TAB2: variants seen among roughly 807,000 people sequenced by gnomAD.
TAB2 encodes the protein TGF-beta activated kinase 1 (MAP3K7) binding protein 2.
A neutral mutation model predicts 65.0 loss-of-function variants in TAB2; 3 were observed. The ratio of observed to expected loss-of-function variants is 0.05; its 90% CI spans 0.02 to 0.12. TAB2 has a LOEUF of 0.12. TAB2 is among the 10% of genes least tolerant of loss of function. The pLI is 1.00. For missense variants in TAB2, 623 were observed against 840.3 expected (o/e 0.74, Z 3.20); for synonymous variants, 298 against 285.1 (o/e 1.05, Z -0.46).
chr6:149,257,671 A>G (rs191424441), intron 1 of TAB2: 11 of 152,294 alleles, frequency 7.2e-5, no homozygotes, highest in African/African-American at 2.4e-4. Context: ...GTGCTTGTCA[A>G]TAATGCAGAT....
At chr6:149,311,881 G>A (rs565154657) in intron 1 of TAB2, among the ~76,000 whole-genome samples, 2 of 152,234 alleles carry the variant, frequency 1.3e-5, no homozygotes, top group South Asian at 4.1e-4. Context: ...CAAAGGTGAA[G>A]AAGAACCTTA....
intron 3 of TAB2, among the ~76,000 whole-genome samples, chr6:149,382,451 C>T (rs1008790914): frequency 6.6e-6 from 1 of 152,020 alleles, no homozygotes; most frequent in Non-Finnish European, 1.5e-5. Context: ...CAAAAATTAG[C>T]GGGGCGTGGT....
chr6:149,341,857 C>G (rs1780140680), intron 1 of TAB2, among the ~76,000 whole-genome samples: 3 of 152,050 alleles, frequency 2.0e-5, no homozygotes, highest in Admixed American at 2.0e-4. Context: ...TTTATTTTGA[C>G]TCCTGTGGGA....
chr6:149,353,733 A>G (rs1161353345), intron 1 of TAB2, among the ~76,000 whole-genome samples: 1 of 152,224 alleles, frequency 6.6e-6, no homozygotes, highest in African/African-American at 2.4e-5. Flanking sequence ...CAACTTAGTT[A>G]TTTGTTTACA....
At chr6:149,296,025 C>T (rs1172503534) in intron 1 of TAB2, among the ~76,000 whole-genome samples, 1 of 152,236 alleles carries the variant, frequency 6.6e-6, no homozygotes, top group Non-Finnish European at 1.5e-5. Context: ...CCACCTCGGC[C>T]TCCCAAAGTG....
chr6:149,248,439 G>GGAAA (rs1352892669), intron 1 of TAB2, among the ~76,000 whole-genome samples: 7 of 142,950 alleles, frequency 4.9e-5, no homozygotes, highest in African/African-American at 1.9e-4. Flanking sequence ...AAGGAAGGAA[G>GGAAA]GAAGGAAGGA....
chr6:149,376,253 A>G (rs1233277408), intron 2 of TAB2, among the ~76,000 whole-genome samples: 2 of 152,182 alleles, frequency 1.3e-5, no homozygotes, highest in Non-Finnish European at 2.9e-5. Flanking sequence ...TTAAGTATCA[A>G]TAGACTTCTC....
intron 1 of TAB2, among the ~76,000 whole-genome samples, chr6:149,224,079 T>C (rs187879139): frequency 1.1e-3 from 164 of 152,288 alleles, no homozygotes; most frequent in African/African-American, 3.7e-3. Context: ...TGATCACCTT[T>C]TAAAGGGGCA....
intron 1 of TAB2, among the ~76,000 whole-genome samples, chr6:149,353,309 T>C (rs541694751): frequency 6.6e-6 from 1 of 152,314 alleles, no homozygotes; most frequent in South Asian, 2.1e-4. Context: ...CTTCTCTCTT[T>C]TACTAGGTAA....
chr6:149,326,956 A>G (rs1779639314), intron 1 of TAB2, among the ~76,000 whole-genome samples: 2 of 152,232 alleles, frequency 1.3e-5, no homozygotes, highest in African/African-American at 2.4e-5. Context: ...GTCACTTAAT[A>G]TCAGTAATAA....
intron 1 of TAB2, among the ~76,000 whole-genome samples, chr6:149,281,634 C>T (rs1778577383): frequency 8.0e-6 from 1 of 125,318 alleles, no homozygotes. Flanking sequence ...GAACAAAGAA[C>T]ACATGGCACA....
At chr6:149,252,074 T>C (rs1340660963) in intron 1 of TAB2, among the ~76,000 whole-genome samples, 1 of 152,164 alleles carries the variant, frequency 6.6e-6, no homozygotes, top group Non-Finnish European at 1.5e-5. Context: ...GATAAGCAGA[T>C]ACTTGAGCTA....
At chr6:149,399,051 A>T in intron 5 of TAB2, 53 bp from the exon 6 acceptor site, 1 of 1,446,456 alleles carries the variant, frequency 6.9e-7, no homozygotes, top group South Asian at 1.2e-5. Flanking sequence ...TTTAAAAAGT[A>T]AAGTTGTTTT....
At chr6:149,397,579 T>G (rs778135070) in intron 3 of TAB2, 25 bp from the exon 4 acceptor site, 1 of 1,613,716 alleles carries the variant, frequency 6.2e-7, no homozygotes, top group Non-Finnish European at 8.5e-7. Context: ...GGGTGGGTCC[T>G]CATGTTTACT....
chr6:149,291,343 T>C (rs886538495), intron 1 of TAB2: 2 of 152,250 alleles, frequency 1.3e-5, no homozygotes, highest in Non-Finnish European at 2.9e-5. Flanking sequence ...AGTAGAAATA[T>C]TATTTTAAGC....
intron 3 of TAB2, among the ~76,000 whole-genome samples, chr6:149,389,645 CAAAAAAA>C (rs370622661): frequency 2.3e-5 from 2 of 86,894 alleles, no homozygotes; most frequent in Admixed American, 2.5e-4. Flanking sequence ...AACTCTGTGT[CAAAAAAA>C]AAAAAAAAAA....
At chr6:149,327,444 A>G (rs376088989) in intron 1 of TAB2, among the ~76,000 whole-genome samples, 6 of 152,290 alleles carry the variant, frequency 3.9e-5, no homozygotes, top group Admixed American at 2.0e-4. Context: ...AGGACTACGT[A>G]TGGCATGCCA....
chr6:149,391,074 G>A (rs1781967807), intron 3 of TAB2, among the ~76,000 whole-genome samples: 1 of 152,056 alleles, frequency 6.6e-6, no homozygotes, highest in African/African-American at 2.4e-5. Flanking sequence ...TTCCTAATGA[G>A]ACTTGGGAGG....
intron 1 of TAB2, among the ~76,000 whole-genome samples, chr6:149,307,802 A>C (rs945487532): frequency 6.6e-6 from 1 of 152,224 alleles, no homozygotes; most frequent in Non-Finnish European, 1.5e-5. Context: ...GTCATTGCTA[A>C]AAATTCAGAA....
Sources: gnomAD v4.1 joint callset for allele counts (sites outside exome capture counted in the v4.1 genomes callset) on GRCh38, gnomAD v4.1.1 for gene constraint, MANE v1.5 for transcripts, NCBI Gene and HGNC (gene_info 2026-07-23, HGNC 2026-07-21) for gene names.